Variants in DENND5A observed in about 807,000 individuals in gnomAD.
The protein encoded by DENND5A is DENN domain containing 5A, also known as DENN domain-containing protein 5A.
In DENND5A, 64 loss-of-function variants were observed where a neutral mutation model predicts 140.3. The ratio of observed to expected loss-of-function variants is 0.46; its 90% CI spans 0.37 to 0.56. DENND5A has a LOEUF of 0.56. DENND5A is among the 20% of genes least tolerant of loss of function. The pLI is 0.00. For missense variants in DENND5A, 1,292 were observed against 1,593.8 expected (o/e 0.81, Z 3.22); for synonymous variants, 605 against 607.7 (o/e 1.00, Z 0.07).
At chr11:9,238,346 C>T (rs191777277) in intron 1 of DENND5A, among the ~76,000 whole-genome samples, 1 of 99,130 alleles carries the variant, frequency 1.0e-5, no homozygotes, top group East Asian at 2.4e-4. Flanking sequence ...TGATTAAATG[C>T]ATGTGTGTGT....
At position 9,165,859 on chromosome 11, in the gene DENND5A, G is replaced by A. The variant is rs1848171921; in HGVS notation, c.2260C>T (p.Leu754=). ...AQTNWKFVEG[L]LKECRNKTKR... ...ACCTTATTGCGGCATTCCTTCAGCA[G>A]GCCCTCTACAAACTTCCAATTGGTC... is the stretch of plus-strand genomic sequence containing the variant. The change falls in exon 11 of 23, where the codon CTG becomes TTG. Residue 754 remains leucine, a synonymous_variant. Coordinates refer to ENST00000328194, the MANE Select transcript of DENND5A (RefSeq NM_015213.4). The A allele has an allele frequency of 6.2e-7, 1 of 1,614,130 alleles. No individual in the cohort carries two copies.
intron 5 of DENND5A, among the ~76,000 whole-genome samples, chr11:9,184,284 C>T (rs965048645): frequency 6.6e-6 from 1 of 151,576 alleles, no homozygotes; most frequent in South Asian, 2.1e-4. Flanking sequence ...ACCTCGGAGG[C>T]GGAGCTTGCA....
intron 1 of DENND5A, among the ~76,000 whole-genome samples, chr11:9,255,593 C>T (rs1185049421): frequency 6.6e-6 from 1 of 152,012 alleles, no homozygotes; most frequent in Non-Finnish European, 1.5e-5. Flanking sequence ...TTGACTGGCG[C>T]AGTGGCTCTC....
intron 17 of DENND5A, 93 bp from the exon 18 acceptor site, chr11:9,145,206 C>A: frequency 1.1e-6 from 1 of 892,250 alleles, no homozygotes; most frequent in South Asian, 1.4e-5. Flanking sequence ...CTGCCTGCAA[C>A]CTGACCCCTC....
chr11:9,164,608 A>ATT (rs1417296646), intron 11 of DENND5A, among the ~76,000 whole-genome samples: 1 of 152,208 alleles, frequency 6.6e-6, no homozygotes, highest in Non-Finnish European at 1.5e-5. Context: ...AACATTAAAA[A>ATT]TTAAGAATGA....
Position 9,178,157 on chromosome 11 carries a change from CTG to C in DENND5A, c.1879_1880del (p.Gln627GlufsTer7). 6.2e-7 allele frequency: 1 copy of C among 1,613,760 alleles called. No homozygotes were observed. Among genetic ancestry groups the C allele is most frequent in the Non-Finnish European group, 8.5e-7 (1 of 1,179,624 alleles). ...RTPTLRTSMY[Q>X]KCTTVDEAEK... Reference sequence around the variant, plus strand: ...CTGCTTCATCCACAGTGGTACACTTCTGGTACATGGATGTACGGAGAGTAGGT... The same window carrying C: ...CTGCTTCATCCACAGTGGTACACTTCGTACATGGATGTACGGAGAGTAGGT... On this transcript the variant is annotated frameshift_variant, in exon 8 of 23. Transcript: ENST00000328194. LOFTEE classifies it high-confidence loss of function.
At chr11:9,187,082 T>C (rs893784180) in intron 5 of DENND5A, among the ~76,000 whole-genome samples, 1 of 151,276 alleles carries the variant, frequency 6.6e-6, no homozygotes, top group Non-Finnish European at 1.5e-5. Flanking sequence ...AGACTCCATC[T>C]CAAACAAAAA....
intron 1 of DENND5A, among the ~76,000 whole-genome samples, chr11:9,249,044 G>C (rs1217311969): frequency 2.0e-5 from 3 of 152,056 alleles, no homozygotes; most frequent in Non-Finnish European, 4.4e-5. Context: ...TGGCTAACGT[G>C]GTGAAACCCT....
intron 1 of DENND5A, among the ~76,000 whole-genome samples, chr11:9,262,525 G>A (rs759336994): frequency 2.4e-4 from 37 of 152,226 alleles, no homozygotes; most frequent in Non-Finnish European, 4.1e-4. Flanking sequence ...ACTGGACCAA[G>A]CAATTAACTA....
intron 1 of DENND5A, among the ~76,000 whole-genome samples, chr11:9,223,659 C>T (rs905930180): frequency 1.3e-5 from 2 of 152,086 alleles, no homozygotes; most frequent in East Asian, 1.9e-4. Flanking sequence ...ACTGAGGCTA[C>T]GGTGAGCTAT....
At position 9,193,483 on chromosome 11, in the gene DENND5A, C is replaced by T. The variant is rs763003501; in HGVS notation, c.1137+11G>A. On this transcript the variant is annotated intron_variant, in intron 5 of 22. Coordinates refer to ENST00000328194, the MANE Select transcript of DENND5A (RefSeq NM_015213.4). ...GATTGGGGCCAGAGGCACCAACACT[C>T]AAGATCTCACCTCTTGAGGCAGCTC... 1 of 1,586,370 alleles carries T rather than the reference C, an allele frequency of 6.3e-7. No individual in the cohort carries two copies. Among genetic ancestry groups the T allele is most frequent in the East Asian group, 2.3e-5 (1 of 43,856 alleles).
intron 15 of DENND5A, among the ~76,000 whole-genome samples, chr11:9,147,753 C>T (rs1847481944): frequency 6.6e-6 from 1 of 152,202 alleles, no homozygotes; most frequent in South Asian, 2.1e-4. Flanking sequence ...TTTCTCCCTT[C>T]ATTTTCACTG....
chr11:9,254,766 G>C (rs949315512), intron 1 of DENND5A, among the ~76,000 whole-genome samples: 1 of 152,034 alleles, frequency 6.6e-6, no homozygotes, highest in Non-Finnish European at 1.5e-5. Flanking sequence ...TTTTAAATAA[G>C]AAGTCTTATT....
At chr11:9,164,185 C>T (rs983723084) in intron 11 of DENND5A, among the ~76,000 whole-genome samples, 67 of 135,058 alleles carry the variant, frequency 5.0e-4, no homozygotes, top group Non-Finnish European at 8.1e-4. Context: ...GTGTGCACCA[C>T]CACGCCTAAT....
intron 1 of DENND5A, among the ~76,000 whole-genome samples, chr11:9,228,503 C>T (rs577293786): frequency 1.3e-5 from 2 of 152,160 alleles, no homozygotes; most frequent in Non-Finnish European, 1.5e-5. Context: ...AATCCTGGCA[C>T]TTTGGGAGGC....
chr11:9,232,432 G>A (rs2136254144), intron 1 of DENND5A, among the ~76,000 whole-genome samples: 1 of 152,176 alleles, frequency 6.6e-6, no homozygotes, highest in East Asian at 1.9e-4. Flanking sequence ...GCCCTGAATA[G>A]ATACTTCAAA....
intron 12 of DENND5A, among the ~76,000 whole-genome samples, chr11:9,153,096 C>T (rs1847682001): frequency 6.6e-6 from 1 of 151,584 alleles, no homozygotes; most frequent in Admixed American, 6.6e-5. Flanking sequence ...CCAAGGCGGG[C>T]GGATCACTTG....
chr11:9,178,241 AG>A lies in DENND5A; in HGVS notation c.1796del (p.Pro599LeufsTer16). 1 of 1,613,236 alleles carries A rather than the reference AG, an allele frequency of 6.2e-7. No homozygotes were observed. Among genetic ancestry groups the A allele is most frequent in the Non-Finnish European group, 8.5e-7 (1 of 1,179,178 alleles). Reference sequence around the variant, plus strand: ...CTCGGGAATCAAATACCCGGAGTACAGGGTCTTTATCATCATCATCATGACA... The same window carrying A: ...CTCGGGAATCAAATACCCGGAGTACAGGTCTTTATCATCATCATCATGACA... ...IMCHDDDDKD[P>X]VLRVFDSRVD... On this transcript the variant is annotated frameshift_variant, in exon 8 of 23. Transcript: ENST00000328194. LOFTEE classifies it high-confidence loss of function.
chr11:9,245,909 T>C (rs934631506), intron 1 of DENND5A, among the ~76,000 whole-genome samples: 3 of 152,080 alleles, frequency 2.0e-5, no homozygotes, highest in Admixed American at 6.6e-5. Flanking sequence ...GCTGGGATTA[T>C]AGGCGTGAGC....
Sources: allele counts gnomAD v4.1 joint callset (sites outside exome capture counted in the v4.1 genomes callset), GRCh38; gene constraint gnomAD v4.1.1; transcripts MANE v1.5; gene names NCBI Gene and HGNC (gene_info 2026-07-23, HGNC 2026-07-21).